PLCB4: variants seen among roughly 807,000 people sequenced by gnomAD.
PLCB4 encodes the protein 1-phosphatidylinositol 4,5-bisphosphate phosphodiesterase beta-4.
PLCB4 carries 77 observed loss-of-function variants against 178.8 expected under a neutral mutation model. The observed-to-expected ratio is 0.43, with a 90% CI of 0.36 to 0.52. The LOEUF (loss-of-function observed/expected upper bound fraction) is 0.52, where lower values mean the gene tolerates loss of function less well. Among genes scored for constraint, PLCB4 ranks in the 20% least tolerant of loss-of-function variants. PLCB4 has a pLI of 0.00. For synonymous variants in PLCB4, 496 were observed against 490.8 expected, an observed-to-expected ratio of 1.01 and a Z score of -0.14; for missense variants, 1,024 against 1,453.4, an observed-to-expected ratio of 0.70 and a Z score of 4.80.
intron 9 of PLCB4, among the ~76,000 whole-genome samples, chr20:9,369,601 A>C (rs1026235843): frequency 6.6e-6 from 1 of 152,206 alleles, no homozygotes; most frequent in East Asian, 1.9e-4. Flanking sequence ...TTTGAATACA[A>C]CTGTCTCAAG....
rs79119132 is a variant in PLCB4, at chr20:9,318,653, C to A, written c.84+10755C>A. Among the ~76,000 whole-genome samples, 843 of 152,216 alleles carry A rather than the reference C, an allele frequency of 5.5e-3. 8 individuals are homozygous for A. Among genetic ancestry groups the A allele is most frequent in the African/African-American group, 0.017 (687 of 41,536 alleles). On this transcript the variant is annotated intron_variant, in intron 4 of 39. Coordinates refer to ENST00000378473, the MANE Select transcript of PLCB4 (RefSeq NM_001377142.1). Reference sequence around the variant, plus strand: ...ATTTAAACTGTAGCCTAAACATCTCCCAAAGTTACCTTCATCCAAAAGCCC... The same window carrying A: ...ATTTAAACTGTAGCCTAAACATCTCACAAAGTTACCTTCATCCAAAAGCCC...
At chr20:9,428,479 G>A (rs890106012) in intron 28 of PLCB4, among the ~76,000 whole-genome samples, 9 of 152,166 alleles carry the variant, frequency 5.9e-5, no homozygotes, top group African/African-American at 2.2e-4. Context: ...AGGGGAGGGG[G>A]AGAACATGAG....
At chr20:9,109,348 A>C (rs990752033) in intron 2 of PLCB4, among the ~76,000 whole-genome samples, 14 of 152,176 alleles carry the variant, frequency 9.2e-5, no homozygotes, top group African/African-American at 3.4e-4. Context: ...AATATCAATA[A>C]AACTTTAAAA....
chr20:9,204,180 G>A (rs898895973), intron 2 of PLCB4, among the ~76,000 whole-genome samples: 4 of 151,778 alleles, frequency 2.6e-5, no homozygotes, highest in South Asian at 2.1e-4. Flanking sequence ...AATCTTAGTC[G>A]TTGAGTCGTT....
chr20:9,429,122 T>C (rs1309708384), intron 28 of PLCB4, among the ~76,000 whole-genome samples: 2 of 152,172 alleles, frequency 1.3e-5, no homozygotes, highest in African/African-American at 4.8e-5. Context: ...TAAATCTTAA[T>C]GAAAGAACCA....
intron 2 of PLCB4, among the ~76,000 whole-genome samples, chr20:9,101,750 C>T (rs1191074633): frequency 1.3e-5 from 2 of 152,152 alleles, no homozygotes; most frequent in South Asian, 4.1e-4. Flanking sequence ...ATACATTTCC[C>T]TACATATTGC....
At chr20:9,407,844 G>A (rs1324929070) in intron 21 of PLCB4, 73 bp from the exon 22 acceptor site, 1 of 1,290,776 alleles carries the variant, frequency 7.7e-7, no homozygotes, top group African/African-American at 1.5e-5. Context: ...TCTTTATTAA[G>A]GAAATCTGCA....
chr20:9,147,471 G>T (rs2082978321), intron 2 of PLCB4, among the ~76,000 whole-genome samples: 1 of 152,102 alleles, frequency 6.6e-6, no homozygotes, highest in Admixed American at 6.6e-5. Context: ...GGGTTCAGCT[G>T]CTCAATGCTT....
intron 2 of PLCB4, among the ~76,000 whole-genome samples, chr20:9,101,736 C>T (rs975410771): frequency 3.3e-5 from 5 of 152,186 alleles, no homozygotes; most frequent in African/African-American, 2.4e-5. Context: ...TGATTATGGC[C>T]TACATACATT....
intron 38 of PLCB4, among the ~76,000 whole-genome samples, chr20:9,474,919 A>G (rs866709057): frequency 6.6e-5 from 10 of 152,194 alleles, no homozygotes; most frequent in Non-Finnish European, 8.8e-5. Flanking sequence ...ACCAACTCAT[A>G]AACACATCAC....
chr20:9,337,267 C>A, intron 5 of PLCB4, 61 bp downstream of exon 5: 1 of 1,181,182 alleles, frequency 8.5e-7, no homozygotes, highest in Non-Finnish European at 1.3e-6. Context: ...TTTTGTTTCT[C>A]AACAAGTAGA....
intron 1 of PLCB4, among the ~76,000 whole-genome samples, chr20:9,093,609 G>A (rs2090776160): frequency 7.7e-6 from 1 of 130,040 alleles, no homozygotes; most frequent in South Asian, 2.4e-4. Flanking sequence ...AGGATTTAGT[G>A]TTAGATCTCG....
At chr20:9,366,312 G>T (rs1267274597) in intron 9 of PLCB4, among the ~76,000 whole-genome samples, 1 of 150,678 alleles carries the variant, frequency 6.6e-6, no homozygotes, top group Non-Finnish European at 1.5e-5. Context: ...CAGGAGAATG[G>T]CATGGAACCT....
chr20:9,453,170 T>C (rs1442647411), intron 32 of PLCB4, among the ~76,000 whole-genome samples, 177 bp from the exon 33 acceptor site: 1 of 152,192 alleles, frequency 6.6e-6, no homozygotes, highest in African/African-American at 2.4e-5. Flanking sequence ...GGGAATGCCC[T>C]TGGACAAAAA....
chr20:9,094,129 AT>A (rs2146588673), intron 1 of PLCB4, among the ~76,000 whole-genome samples: 1 of 152,220 alleles, frequency 6.6e-6, no homozygotes, highest in African/African-American at 2.4e-5. Flanking sequence ...TATGTTATTC[AT>A]TTCCCCAATT....
chr20:9,396,406 G>A (rs1399925469), intron 19 of PLCB4, among the ~76,000 whole-genome samples: 1 of 152,146 alleles, frequency 6.6e-6, no homozygotes, highest in Non-Finnish European at 1.5e-5. Flanking sequence ...CAAATAACCA[G>A]CTCACCAGAA....
intron 9 of PLCB4, 59 bp from the exon 10 acceptor site, chr20:9,371,155 A>T (rs770549985): frequency 1.8e-6 from 2 of 1,081,374 alleles, no homozygotes; most frequent in East Asian, 4.7e-5. Context: ...GGATCTTTGC[A>T]TCAGAGAAAA....
intron 14 of PLCB4, among the ~76,000 whole-genome samples, chr20:9,385,459 C>A (rs899616024): frequency 1.5e-4 from 23 of 150,568 alleles, no homozygotes; most frequent in Non-Finnish European, 2.4e-4. Context: ...TCCTCACCTC[C>A]CAGATGGGGT....
chr20:9,360,384 T>A (rs1297200642), intron 7 of PLCB4, among the ~76,000 whole-genome samples: 1 of 152,132 alleles, frequency 6.6e-6, no homozygotes, highest in African/African-American at 2.4e-5. Flanking sequence ...TTAAGCCTCT[T>A]CAAAGTGCAC....
Sources: gnomAD v4.1 joint callset for allele counts (sites outside exome capture counted in the v4.1 genomes callset) on GRCh38, gnomAD v4.1.1 for gene constraint, MANE v1.5 for transcripts, NCBI Gene and HGNC (gene_info 2026-07-23, HGNC 2026-07-21) for gene names.